NFAT5: variants seen among roughly 807,000 people sequenced by gnomAD.
NFAT5 encodes the protein nuclear factor of activated T cells 5, also known as nuclear factor of activated T-cells 5.
In NFAT5, 31 loss-of-function variants were observed where a neutral mutation model predicts 166.5. The observed-to-expected ratio is 0.19, with a 90% confidence interval of 0.14 to 0.25. The LOEUF (loss-of-function observed/expected upper bound fraction) is 0.25. NFAT5 is among the 10% of genes least tolerant of loss of function. NFAT5 has a pLI of 1.00. For missense variants in NFAT5, 1,449 were observed against 1,821.8 expected (o/e 0.80, Z 3.72); for synonymous variants, 612 against 639.7 (o/e 0.96, Z 0.65).
intron 2 of NFAT5, among the ~76,000 whole-genome samples, chr16:69,604,324 T>A (rs149135898): frequency 3.9e-5 from 6 of 152,194 alleles, no homozygotes; most frequent in Non-Finnish European, 8.8e-5. Context: ...AGGTGCTCAA[T>A]TGAATTTTCT....
At chr16:69,615,044 ATT>A (rs1266471315) in intron 2 of NFAT5, among the ~76,000 whole-genome samples, 15 of 121,146 alleles carry the variant, frequency 1.2e-4, no homozygotes, top group Admixed American at 2.5e-4. Context: ...TCCCAGCTAA[ATT>A]TTTTTTTTTT....
At chr16:69,667,239 G>T (rs1280085393) in intron 7 of NFAT5, among the ~76,000 whole-genome samples, 4 of 151,098 alleles carry the variant, frequency 2.6e-5, no homozygotes, top group Non-Finnish European at 4.4e-5. Context: ...GAGTTAGTGG[G>T]TGCAGCACAC....
At chr16:69,695,461 C>A in intron 14 of NFAT5, 82 bp downstream of exon 14, 1 of 934,734 alleles carries the variant, frequency 1.1e-6, no homozygotes, top group Non-Finnish European at 1.7e-6. Context: ...AATAGTAGTT[C>A]TAATCTTTTA....
chr16:69,631,163 T>C (rs1403602970), intron 3 of NFAT5, among the ~76,000 whole-genome samples: 1 of 152,226 alleles, frequency 6.6e-6, no homozygotes, highest in Non-Finnish European at 1.5e-5. Context: ...CCGGGTACAC[T>C]GGCTCACGCC....
At chr16:69,585,983 C>A (rs1039374688) in intron 2 of NFAT5, among the ~76,000 whole-genome samples, 1 of 152,064 alleles carries the variant, frequency 6.6e-6, no homozygotes, top group Non-Finnish European at 1.5e-5. Context: ...CTGAATTGTG[C>A]ACTTAAAAAT....
At chr16:69,603,948 T>C (rs2033269482) in intron 2 of NFAT5, among the ~76,000 whole-genome samples, 2 of 152,204 alleles carry the variant, frequency 1.3e-5, no homozygotes, top group Admixed American at 6.5e-5. Flanking sequence ...CAACATTAAT[T>C]TTTAGCTATA....
At chr16:69,685,741 G>C (rs1290834866) in intron 11 of NFAT5, 2 of 152,068 alleles carry the variant, frequency 1.3e-5, no homozygotes, top group African/African-American at 4.8e-5. Context: ...AAGATTTCTT[G>C]TCTCTACAAA....
At chr16:69,599,854 A>G (rs928088470) in intron 2 of NFAT5, among the ~76,000 whole-genome samples, 2 of 152,166 alleles carry the variant, frequency 1.3e-5, no homozygotes, top group African/African-American at 4.8e-5. Context: ...AAGCAGGAGA[A>G]TTGTAGGAGA....
At chr16:69,611,173 A>G (rs915499054) in intron 2 of NFAT5, among the ~76,000 whole-genome samples, 9 of 152,216 alleles carry the variant, frequency 5.9e-5, no homozygotes, top group African/African-American at 2.2e-4. Context: ...ATAGATTATT[A>G]TGTATGTTTA....
At chr16:69,652,966 T>C (rs894576297) in intron 4 of NFAT5, among the ~76,000 whole-genome samples, 4 of 139,262 alleles carry the variant, frequency 2.9e-5, no homozygotes, top group Non-Finnish European at 5.9e-5. Context: ...CTTCCTCCCT[T>C]CCTCCTACCA....
Position 69,693,949 on chromosome 16 carries a change from A to G in NFAT5, c.4124A>G (p.Gln1375Arg), listed in dbSNP as rs756891997. 18 of 1,614,228 alleles carry G rather than the reference A, an allele frequency of 1.1e-5. No individual in the cohort carries two copies. The highest frequency in any genetic ancestry group is 1.5e-5 in the Non-Finnish European group (18 of 1,180,040). The change falls in exon 13 of 15, where the codon CAG becomes CGG. Residue 1375 changes from glutamine (Q) to arginine (R), a missense_variant. Coordinates refer to ENST00000349945, the MANE Select transcript of NFAT5 (RefSeq NM_138713.4). ...ACCCCCTTGTTCCATAGCTCTCCTC[A>G]GATTCAGTTGGTACAAGGGTCACCT... ...SQTPLFHSSPQIQLVQGSPSS... is the reference protein window; with the variant it reads ...SQTPLFHSSPRIQLVQGSPSS...
intron 7 of NFAT5, 131 bp from the exon 8 acceptor site, chr16:69,669,846 G>A (rs1387017010): frequency 8.0e-6 from 6 of 751,974 alleles, no homozygotes; most frequent in South Asian, 2.6e-5. Flanking sequence ...AGATAATTGT[G>A]TAACTATAAA....
At chr16:69,644,807 G>C (rs772425689) in intron 3 of NFAT5, 6 of 454,322 alleles carry the variant, frequency 1.3e-5, no homozygotes, top group Non-Finnish European at 2.7e-5. Flanking sequence ...GGATCCCTGA[G>C]ATGTTCATAC....
In NFAT5 at chr16:69,691,874, T is replaced by G. The variant is rs763749606; in HGVS notation, c.2049T>G (p.Ile683Met). The G allele has an allele frequency of 6.2e-7, 1 of 1,614,140 alleles. No individual in the cohort carries two copies. Among genetic ancestry groups the G allele is most frequent in the Non-Finnish European group, 8.5e-7 (1 of 1,180,022 alleles). ...CTGAAAATGAAAAACAGCAGCAGAT[T>G]CAGCCCAAGGCATACAACCCAGAGA... Reference protein sequence around the residue: ...LPSENEKQQQIQPKAYNPETL... With the variant: ...LPSENEKQQQMQPKAYNPETL... The change falls in exon 13 of 15, where the codon ATT becomes ATG. Residue 683 changes from isoleucine to methionine, a missense_variant. Ile to Met is a conservative substitution (Grantham distance 10). Transcript: ENST00000349945.
At chr16:69,629,869 A>G (rs1255052082) in intron 3 of NFAT5, among the ~76,000 whole-genome samples, 1 of 150,858 alleles carries the variant, frequency 6.6e-6, no homozygotes. Flanking sequence ...CCTGGGCTCA[A>G]GTGATCCTCC....
chr16:69,592,648 T>G (rs1030950809), intron 2 of NFAT5, among the ~76,000 whole-genome samples: 2 of 152,218 alleles, frequency 1.3e-5, no homozygotes, highest in Non-Finnish European at 2.9e-5. Context: ...TTAATACTTA[T>G]GAAATTGATA....
At chr16:69,634,943 A>G (rs763185389) in intron 3 of NFAT5, among the ~76,000 whole-genome samples, 7 of 152,084 alleles carry the variant, frequency 4.6e-5, no homozygotes, top group Non-Finnish European at 8.8e-5. Flanking sequence ...AAAATAGCCG[A>G]ACATTTTCTG....
At chr16:69,643,858 T>C (rs2035322600) in intron 3 of NFAT5, among the ~76,000 whole-genome samples, 2 of 152,202 alleles carry the variant, frequency 1.3e-5, no homozygotes, top group Admixed American at 1.3e-4. Context: ...CTCACAGTTC[T>C]TACCCTCCAT....
rs897954047 is a variant in NFAT5 at position 69,696,889 on chromosome 16, C to T, written c.*538C>T. ...TTTTATTGGAGAAACTGAAGGGTAACATTCTAACAAGTAAACTGTATGTGC... is the reference window on the plus strand; with the variant it reads ...TTTTATTGGAGAAACTGAAGGGTAATATTCTAACAAGTAAACTGTATGTGC... On this transcript the variant is annotated 3_prime_UTR_variant, in exon 15 of 15. Transcript: ENST00000349945. 3.3e-5 allele frequency: 5 copies of T among 152,416 alleles called. No individual in the cohort carries two copies. Among genetic ancestry groups the T allele is most frequent in the Non-Finnish European group, 5.9e-5 (4 of 68,004 alleles). 9.4% of individuals were successfully genotyped at this position (152,416 alleles called of 1,614,324 possible).
Sources: allele counts gnomAD v4.1 joint callset (sites outside exome capture counted in the v4.1 genomes callset), GRCh38; gene constraint gnomAD v4.1.1; transcripts MANE v1.5; gene names NCBI Gene and HGNC (gene_info 2026-07-23, HGNC 2026-07-21).